The following DLGAP2 variants were observed in gnomAD, a reference collection of about 807,000 sequenced individuals.
The protein encoded by DLGAP2 is disks large-associated protein 2.
In DLGAP2, 26 loss-of-function variants were observed where a neutral mutation model predicts 100.3. The observed-to-expected ratio is 0.26, with a 90% confidence interval of 0.19 to 0.36. The LOEUF (loss-of-function observed/expected upper bound fraction) is 0.36. Among genes scored for constraint, DLGAP2 ranks in the 10% least tolerant of loss-of-function variants. DLGAP2 has a pLI of 1.00. For synonymous variants in DLGAP2, 886 were observed against 630.1 expected (o/e 1.41, Z -6.08); for missense variants, 1,858 against 1,453.2 (o/e 1.28, Z -4.53).
intron 4 of DLGAP2, among the ~76,000 whole-genome samples, chr8:1,502,481 C>T (rs1439800431): frequency 6.6e-6 from 1 of 152,170 alleles, no homozygotes; most frequent in African/African-American, 2.4e-5. Context: ...GGGTAGAGTT[C>T]TAAAGGATGA....
intron 2 of DLGAP2, among the ~76,000 whole-genome samples, chr8:1,058,104 T>C (rs1722792189): frequency 6.6e-6 from 1 of 152,082 alleles, no homozygotes; most frequent in African/African-American, 2.4e-5. Context: ...GAGGATCACG[T>C]GGGGTTGCAT....
intron 2 of DLGAP2, among the ~76,000 whole-genome samples, chr8:1,065,266 C>T (rs943878748): frequency 2.6e-5 from 4 of 152,168 alleles, no homozygotes; most frequent in Admixed American, 2.6e-4. Flanking sequence ...ATTATTAGGT[C>T]ATGATTTTAT....
chr8:866,194 A>T (rs759399750), intron 1 of DLGAP2, among the ~76,000 whole-genome samples: 29 of 152,190 alleles, frequency 1.9e-4, no homozygotes, highest in Non-Finnish European at 3.5e-4. Flanking sequence ...CAGCACCCTG[A>T]CACCCCGCGC....
chr8:1,100,376 C>T (rs1649027213), intron 2 of DLGAP2, among the ~76,000 whole-genome samples: 1 of 151,970 alleles, frequency 6.6e-6, no homozygotes, highest in African/African-American at 2.4e-5. Flanking sequence ...AGCATGTCCA[C>T]AGTGTATAAT....
At chr8:1,595,660 C>T (rs1220101982) in intron 6 of DLGAP2, among the ~76,000 whole-genome samples, 4 of 121,438 alleles carry the variant, frequency 3.3e-5, no homozygotes, top group Non-Finnish European at 6.6e-5. Context: ...GGCGACAGAG[C>T]GAGACTCCGT....
In DLGAP2 at chr8:1,678,182, C is replaced by T. The variant is rs115596193; in HGVS notation, c.2289-32C>T. The T allele has an allele frequency of 1.5e-3, 2,384 of 1,578,678 alleles. 33 individuals are homozygous for T. In the African/African-American group the frequency reaches 0.028, roughly 18 times the overall value. ...GTTGCATGAAGTCCTCTCAGAAGGG[C>T]TACCATCTGTCTTCCTTCCCTCCTT... On this transcript the variant is annotated intron_variant, in intron 11 of 14. Transcript: ENST00000637795.
chr8:1,700,078 A>T (rs758437227), intron 14 of DLGAP2, among the ~76,000 whole-genome samples: 4 of 152,200 alleles, frequency 2.6e-5, no homozygotes, highest in African/African-American at 4.8e-5. Flanking sequence ...CTTCTGGCCT[A>T]GTCACGTAAA....
At chr8:1,003,472 T>C (rs1801019320) in intron 2 of DLGAP2, among the ~76,000 whole-genome samples, 1 of 152,376 alleles carries the variant, frequency 6.6e-6, no homozygotes, top group East Asian at 1.9e-4. Context: ...GAATATTTAT[T>C]TGGCCAAATT....
chr8:1,013,587 C>T (rs562775564), intron 2 of DLGAP2, among the ~76,000 whole-genome samples: 33 of 151,066 alleles, frequency 2.2e-4, no homozygotes, highest in Middle Eastern at 3.4e-3. Flanking sequence ...GCCCAGCAAA[C>T]GGACAGACGG....
chr8:795,820 C>T lies in DLGAP2; in HGVS notation c.18+57995C>T, dbSNP rs565942350. ...AGAACAGGCGTCCGGTGAGAGCAGG[C>T]GTCCGGTGAGAGCAGCTGTCCGGTG... On this transcript the variant is annotated intron_variant, in intron 1 of 14. Transcript: ENST00000637795. Among the ~76,000 whole-genome samples, 21 of 130,752 alleles carry T rather than the reference C, an allele frequency of 1.6e-4. 2 individuals carry two copies. The highest frequency in any genetic ancestry group is 5.7e-4 in the African/African-American group (19 of 33,268). The allele number at this position is 130,752 out of a possible 152,430, so 85.8% of individuals were successfully genotyped here. A position where few individuals can be genotyped will look rare whatever the true frequency, so the allele number is the denominator to read the frequency against.
intron 3 of DLGAP2, among the ~76,000 whole-genome samples, chr8:1,267,253 TAAAATA>T (rs1563051675): frequency 6.6e-5 from 6 of 90,692 alleles, no homozygotes; most frequent in Admixed American, 4.0e-4. Context: ...ATAAATAAAA[TAAAATA>T]AAATAAAATA....
intron 3 of DLGAP2, among the ~76,000 whole-genome samples, chr8:1,352,766 T>G (rs114656489): frequency 6.6e-6 from 1 of 152,018 alleles, no homozygotes; most frequent in South Asian, 2.1e-4. Context: ...CTTTCTGAGG[T>G]TGGTACTTTT....
chr8:1,517,927 G>C (rs1418337145), intron 4 of DLGAP2, among the ~76,000 whole-genome samples: 1 of 152,198 alleles, frequency 6.6e-6, no homozygotes, highest in Non-Finnish European at 1.5e-5. Flanking sequence ...TATGTTGTTT[G>C]GACCTGGGAA....
chr8:1,586,271 C>T (rs148779487), intron 6 of DLGAP2, among the ~76,000 whole-genome samples: 3 of 152,308 alleles, frequency 2.0e-5, no homozygotes, highest in African/African-American at 4.8e-5. Flanking sequence ...CAAGATGTTA[C>T]AGTTGCGGGA....
At chr8:1,363,684 G>T (rs917995987) in intron 3 of DLGAP2, among the ~76,000 whole-genome samples, 4 of 152,208 alleles carry the variant, frequency 2.6e-5, no homozygotes, top group Non-Finnish European at 5.9e-5. Flanking sequence ...CAACAGTCAG[G>T]ACATGGAGAG....
intron 3 of DLGAP2, among the ~76,000 whole-genome samples, chr8:1,440,436 C>G (rs149055624): frequency 6.6e-6 from 1 of 152,168 alleles, no homozygotes; most frequent in African/African-American, 2.4e-5. Context: ...CACTCCGCTG[C>G]GAGTGCACGG....
rs73184538 is a variant in DLGAP2, at chr8:1,190,683, G to A, written c.74-68168G>A. Among the ~76,000 whole-genome samples, 219 of 152,252 alleles carry A rather than the reference G, an allele frequency of 1.4e-3. 2 individuals are homozygous for A. The highest frequency in any genetic ancestry group is 2.7e-3 in the Non-Finnish European group (186 of 68,022). ...GGCTTATCCTCATCCTCCCAACCCCGTGTCTTACGTAGAGAAGAAGAAAGC... is the reference window on the plus strand; with the variant it reads ...GGCTTATCCTCATCCTCCCAACCCCATGTCTTACGTAGAGAAGAAGAAAGC... On this transcript the variant is annotated intron_variant, in intron 2 of 14. Coordinates refer to ENST00000637795, the MANE Select transcript of DLGAP2 (RefSeq NM_001346810.2).
At chr8:765,323 AT>A (rs902261462) in intron 1 of DLGAP2, among the ~76,000 whole-genome samples, 50 of 152,208 alleles carry the variant, frequency 3.3e-4, no homozygotes, top group African/African-American at 1.1e-3. Flanking sequence ...TTGGTAAAAT[AT>A]TTTTTTTCTT....
chr8:798,684 G>A (rs1164233259), intron 1 of DLGAP2, among the ~76,000 whole-genome samples: 5 of 122,552 alleles, frequency 4.1e-5, no homozygotes, highest in Non-Finnish European at 3.4e-5. Flanking sequence ...TGCTTGTTGC[G>A]TCAGGACCTG....
Sources: gnomAD v4.1 joint callset for allele counts (sites outside exome capture counted in the v4.1 genomes callset) on GRCh38, gnomAD v4.1.1 for gene constraint, MANE v1.5 for transcripts, NCBI Gene and HGNC (gene_info 2026-07-23, HGNC 2026-07-21) for gene names.